LONP2: variants seen among roughly 807,000 people sequenced by gnomAD.
LONP2 encodes lon peptidase 2, peroxisomal.
In LONP2, 60 loss-of-function variants were observed where a neutral mutation model predicts 85.6. The ratio of observed to expected loss-of-function variants is 0.70; its 90% confidence interval spans 0.57 to 0.87. The LOEUF is 0.87. Ranked by LOEUF, LONP2 falls within the 40% of genes least tolerant of loss-of-function variation. The pLI, the probability that LONP2 is intolerant of heterozygous loss-of-function variation, is 0.00. For synonymous variants in LONP2, 395 were observed against 389.7 expected (o/e 1.01, Z -0.16); for missense variants, 860 against 1,063.5 (o/e 0.81, Z 2.66).
chr16:48,264,337 C>T (rs533763073), intron 6 of LONP2, among the ~76,000 whole-genome samples: 26 of 152,218 alleles, frequency 1.7e-4, no homozygotes, highest in Non-Finnish European at 3.1e-4. Flanking sequence ...AGAGACCTAC[C>T]CCTAGGTGCG....
chr16:48,248,119 AGTT>A (rs745332505), intron 1 of LONP2, among the ~76,000 whole-genome samples: 1 of 151,822 alleles, frequency 6.6e-6, no homozygotes, highest in Non-Finnish European at 1.5e-5. Context: ...TGTACACCTA[AGTT>A]GTTCTACTTT....
chr16:48,303,972 C>T (rs1232977820), intron 11 of LONP2, among the ~76,000 whole-genome samples: 2 of 152,182 alleles, frequency 1.3e-5, no homozygotes, highest in Admixed American at 6.5e-5. Flanking sequence ...GGGTCTGCCT[C>T]TCCTAGTCCG....
intron 1 of LONP2, among the ~76,000 whole-genome samples, chr16:48,246,037 A>G (rs1971363233): frequency 6.6e-6 from 1 of 152,072 alleles, no homozygotes. Context: ...TTTCCTCAAA[A>G]TCTTGTGACT....
intron 7 of LONP2, 112 bp downstream of exon 7, chr16:48,270,386 G>A (rs1428329108): frequency 2.6e-5 from 30 of 1,153,600 alleles, no homozygotes; most frequent in Non-Finnish European, 3.6e-5. Context: ...GGCTATGTGT[G>A]GTACCTTGAA....
intron 11 of LONP2, among the ~76,000 whole-genome samples, chr16:48,333,779 T>C (rs995040738): frequency 3.3e-5 from 5 of 152,108 alleles, no homozygotes; most frequent in African/African-American, 1.2e-4. Context: ...CCCTGAGTTA[T>C]GCTGATATAA....
intron 11 of LONP2, among the ~76,000 whole-genome samples, chr16:48,312,361 C>CT (rs529252021): frequency 8.8e-4 from 130 of 147,372 alleles, no homozygotes; most frequent in Middle Eastern, 3.5e-3. Context: ...GTCATAGCAC[C>CT]TTTTTTTTTT....
At chr16:48,289,521 C>G (rs758802364) in intron 8 of LONP2, among the ~76,000 whole-genome samples, 28 of 152,114 alleles carry the variant, frequency 1.8e-4, no homozygotes, top group Non-Finnish European at 2.9e-4. Context: ...CAGGTTTGCC[C>G]TAAGCGTTCC....
At chr16:48,284,201 T>C (rs1056262208) in intron 8 of LONP2, among the ~76,000 whole-genome samples, 1 of 152,206 alleles carries the variant, frequency 6.6e-6, no homozygotes, top group Non-Finnish European at 1.5e-5. Context: ...GTGAGGATGC[T>C]ATGAACCTTG....
chr16:48,292,833 T>A (rs934396826), intron 8 of LONP2, among the ~76,000 whole-genome samples: 3 of 152,028 alleles, frequency 2.0e-5, no homozygotes, highest in African/African-American at 7.3e-5. Context: ...GAACCTATTC[T>A]GTTTCTGGGA....
chr16:48,296,096 G>C lies in LONP2; in HGVS notation c.1465G>C (p.Ala489Pro). 3 of 1,614,090 alleles carry C rather than the reference G, an allele frequency of 1.9e-6. No homozygotes were observed. The highest frequency in any genetic ancestry group is 2.5e-6 in the Non-Finnish European group (3 of 1,180,006). Reference protein sequence around the residue: ...AFDLSQVLFIATANTTATIPA... With the variant: ...AFDLSQVLFIPTANTTATIPA... The stretch of plus-strand genomic sequence containing the variant: ...TGACCTTTCTCAAGTTCTTTTTATA[G>C]CTACTGCCAACACCACTGCTACCAT... The change falls in exon 9 of 15, where the codon GCT becomes CCT. Residue 489 changes from alanine (A) to proline (P), a missense_variant. Around this residue, in one of 3 missense-constraint regions of LONP2, gnomAD observed 743 missense variants for 917.3 expected, o/e 0.81. Transcript: ENST00000285737.
intron 9 of LONP2, among the ~76,000 whole-genome samples, chr16:48,296,830 T>G (rs1339790197): frequency 6.6e-6 from 1 of 152,168 alleles, no homozygotes; most frequent in Non-Finnish European, 1.5e-5. Context: ...TGTCAAATAG[T>G]TAAATTTTTT....
Position 48,258,571 on chromosome 16 carries a change from T to G in LONP2, c.601-47T>G, listed in dbSNP as rs758855519. 4.5e-6 allele frequency: 7 copies of G among 1,538,462 alleles called. No individual in the cohort carries two copies. The African/African-American group carries it at 9.9e-5, about 22-fold the overall frequency. ...TGGCTCTGACTGTCTGTTTTTGGAT[T>G]GTGTGTTTCTGAGAGAGATCCTATT... On this transcript the variant is annotated intron_variant, in intron 3 of 14. Transcript: ENST00000285737.
chr16:48,261,228 G>A (rs1971867265), intron 4 of LONP2, among the ~76,000 whole-genome samples, 196 bp from the exon 5 acceptor site: 1 of 151,958 alleles, frequency 6.6e-6, no homozygotes, highest in African/African-American at 2.4e-5. Flanking sequence ...ACCTTACGTT[G>A]GTCTACTTCT....
Position 48,334,250 on chromosome 16 carries a change from T to C in LONP2, c.1830T>C (p.Pro610=). The change falls in exon 12 of 15, where the codon CCT becomes CCC. Residue 610 remains proline (P), a synonymous_variant. Transcript: ENST00000285737. ...CREHILEDEK[P]ESISDTTDLA... ...AACACATCTTAGAAGATGAAAAACC[T>C]GAATCTATCAGTGACACTACTGACT... is the stretch of plus-strand genomic sequence containing the variant. The C allele has an allele frequency of 6.2e-7, 1 of 1,614,042 alleles. No individual in the cohort carries two copies.
intron 11 of LONP2, among the ~76,000 whole-genome samples, chr16:48,332,697 C>T (rs1596992886): frequency 2.0e-5 from 3 of 150,876 alleles, no homozygotes; most frequent in Non-Finnish European, 2.9e-5. Context: ...GGTGACACAG[C>T]GAGACTCCAT....
intron 12 of LONP2, 66 bp from the exon 13 acceptor site, chr16:48,347,441 G>A: frequency 3.3e-6 from 5 of 1,507,372 alleles, no homozygotes; most frequent in Non-Finnish European, 3.7e-6. Context: ...ACTCTTGCAG[G>A]ATTGTGTGGT....
intron 12 of LONP2, among the ~76,000 whole-genome samples, chr16:48,341,743 A>G (rs536501743): frequency 6.6e-6 from 1 of 152,226 alleles, no homozygotes; most frequent in Non-Finnish European, 1.5e-5. Context: ...AACAATATCA[A>G]TTAAGTGCAT....
At position 48,261,530 on chromosome 16, in the gene LONP2, T is replaced by C; in HGVS notation, c.830T>C (p.Ile277Thr). The C allele has an allele frequency of 1.2e-6, 2 of 1,607,326 alleles. No individual in the cohort carries two copies. The highest frequency in any genetic ancestry group is 1.7e-6 in the Non-Finnish European group (2 of 1,177,134). ...NDDIVMLEKK[I>T]RTSSMPEQAH... is the part of the protein sequence containing the mutation. ...GACATTGTCATGCTAGAGAAAAAAA[T>C]ACGAACATCTAGTATGCCAGAGCAG... The change falls in exon 5 of 15, where the codon ATA becomes ACA. Residue 277 changes from isoleucine (I) to threonine (T), a missense_variant. Coordinates refer to ENST00000285737, the MANE Select transcript of LONP2 (RefSeq NM_031490.5).
At chr16:48,256,469 A>T in intron 2 of LONP2, 141 bp from the exon 3 acceptor site, 1 of 789,634 alleles carries the variant, frequency 1.3e-6, no homozygotes. Context: ...GAGGCCTGTA[A>T]AATACGTGGA....
Sources: gnomAD v4.1 joint callset for allele counts (sites outside exome capture counted in the v4.1 genomes callset) on GRCh38, gnomAD v4.1.1 for gene constraint, gnomAD v4.1.1 regional missense constraint, MANE v1.5 for transcripts, NCBI Gene and HGNC (gene_info 2026-07-23, HGNC 2026-07-21) for gene names.